The following SLC22A23 variants were observed in gnomAD, a reference collection of about 807,000 sequenced individuals.
SLC22A23 encodes the protein ion transporter protein.
In SLC22A23, 26 loss-of-function variants were observed where a neutral mutation model predicts 61.0. The observed-to-expected ratio is 0.43, with a 90% CI of 0.31 to 0.59. The LOEUF is 0.59. SLC22A23 is among the 20% of genes least tolerant of loss of function. SLC22A23 has a pLI of 0.11. For synonymous variants in SLC22A23, 430 were observed against 413.9 expected (o/e 1.04, Z -0.47); for missense variants, 796 against 934.7 (o/e 0.85, Z 1.94).
At chr6:3,448,626 T>C (rs1381353146) in intron 1 of SLC22A23, among the ~76,000 whole-genome samples, 2 of 152,164 alleles carry the variant, frequency 1.3e-5, no homozygotes, top group East Asian at 1.9e-4. Flanking sequence ...CCCGAGTAGC[T>C]GGGACTACAG....
chr6:3,403,485 G>A (rs959787766), intron 3 of SLC22A23, among the ~76,000 whole-genome samples: 21 of 152,174 alleles, frequency 1.4e-4, no homozygotes, highest in Non-Finnish European at 2.9e-4. Context: ...TGAGGGCAGG[G>A]TCTGGAACCC....
At chr6:3,363,905 C>T (rs9503559) in intron 3 of SLC22A23, among the ~76,000 whole-genome samples, 116,808 of 152,106 alleles carry the variant, frequency 0.77, 45,293 homozygotes, top group African/African-American at 0.86. Context: ...GACTGGCTGA[C>T]CCTCACAGGC....
At chr6:3,374,006 A>C (rs1361165527) in intron 3 of SLC22A23, among the ~76,000 whole-genome samples, 4 of 152,228 alleles carry the variant, frequency 2.6e-5, no homozygotes, top group African/African-American at 9.6e-5. Context: ...GAGCACAAAA[A>C]GGTTAAGTAT....
At chr6:3,352,010 C>G (rs1338067551) in intron 3 of SLC22A23, among the ~76,000 whole-genome samples, 1 of 152,192 alleles carries the variant, frequency 6.6e-6, no homozygotes, top group Non-Finnish European at 1.5e-5. Flanking sequence ...ACTGGTAAGG[C>G]TGCTCCGTTT....
At chr6:3,416,097 A>G (rs939146387) in intron 1 of SLC22A23, among the ~76,000 whole-genome samples, 2 of 152,238 alleles carry the variant, frequency 1.3e-5, no homozygotes, top group African/African-American at 4.8e-5. Context: ...AGAATGACGC[A>G]GGAAGTCTGG....
At chr6:3,320,294 G>C (rs1581685724) in intron 4 of SLC22A23, among the ~76,000 whole-genome samples, 1 of 152,104 alleles carries the variant, frequency 6.6e-6, no homozygotes, top group Non-Finnish European at 1.5e-5. Flanking sequence ...AGGGGTCCCT[G>C]TCTGTTCAGT....
At chr6:3,298,066 C>T in intron 5 of SLC22A23, 25 bp downstream of exon 5, 2 of 1,492,716 alleles carry the variant, frequency 1.3e-6, no homozygotes, top group East Asian at 2.6e-5. Context: ...CCTCTCTGAG[C>T]CCTGCCAGCC....
chr6:3,410,209 T>C lies in SLC22A23; in HGVS notation c.892A>G (p.Ile298Val), dbSNP rs752938651. ...TTACGTAAAGCATACAAGGTGAGAATGATTCCAGCCAGGCAAAATCCTTCA... is the reference window on the plus strand; with the variant it reads ...TTACGTAAAGCATACAAGGTGAGAACGATTCCAGCCAGGCAAAATCCTTCA... ...FFEGFCLAGI[I>V]LTLYALRIEL... is the part of the protein sequence containing the mutation. Residue 298 changes from isoleucine to valine, a missense_variant, in exon 3 of 10, where the codon ATT (isoleucine) becomes GTT (valine). Coordinates refer to ENST00000406686, the MANE Select transcript of SLC22A23 (RefSeq NM_015482.2). The surrounding 1 kb of genome is among the most constrained non-coding windows in gnomAD (Gnocchi z 5.0). 1.9e-6 allele frequency: 3 copies of C among 1,613,408 alleles called. No individual in the cohort carries two copies. The highest frequency in any genetic ancestry group is 2.7e-5 in the African/African-American group (2 of 74,890).
chr6:3,280,838 C>A (rs1249475092), intron 9 of SLC22A23, among the ~76,000 whole-genome samples: 1 of 152,172 alleles, frequency 6.6e-6, no homozygotes, highest in Non-Finnish European at 1.5e-5. Context: ...GACTCTGATA[C>A]TCCCTTAACC....
At chr6:3,370,249 A>T (rs1450478301) in intron 3 of SLC22A23, among the ~76,000 whole-genome samples, 2 of 152,236 alleles carry the variant, frequency 1.3e-5, no homozygotes, top group Non-Finnish European at 2.9e-5. Flanking sequence ...TTCTGTGGGA[A>T]ATGACTGAAA....
intron 2 of SLC22A23, 74 bp downstream of exon 2, chr6:3,415,674 CACTG>C: frequency 9.9e-7 from 1 of 1,014,118 alleles, no homozygotes; most frequent in Non-Finnish European, 1.5e-6. Context: ...GGTAAGCTAA[CACTG>C]ACTATTTTTC....
intron 7 of SLC22A23, among the ~76,000 whole-genome samples, 187 bp from the exon 8 acceptor site, chr6:3,285,298 G>A (rs897896992): frequency 6.6e-6 from 1 of 152,248 alleles, no homozygotes; most frequent in African/African-American, 2.4e-5. Flanking sequence ...GCTAAACAAA[G>A]ATCTTTTTGT....
At chr6:3,401,511 C>T (rs959024802) in intron 3 of SLC22A23, among the ~76,000 whole-genome samples, 3 of 152,294 alleles carry the variant, frequency 2.0e-5, no homozygotes, top group Admixed American at 1.3e-4. Flanking sequence ...AACCTATGCT[C>T]GAAATAATTC....
chr6:3,450,925 C>T (rs1772130203), intron 1 of SLC22A23, among the ~76,000 whole-genome samples: 3 of 152,200 alleles, frequency 2.0e-5, no homozygotes, highest in Non-Finnish European at 4.4e-5. Context: ...ATAACTTCTA[C>T]TCTTTAGCCC....
At chr6:3,444,118 G>A (rs570886495) in intron 1 of SLC22A23, among the ~76,000 whole-genome samples, 5 of 152,284 alleles carry the variant, frequency 3.3e-5, no homozygotes, top group South Asian at 2.1e-4. Flanking sequence ...ATGGGTGGGC[G>A]CGTGCTGGCG....
Position 3,308,711 on chromosome 6 carries a change from G to A in SLC22A23, c.1083-10493C>T, listed in dbSNP as rs544635551. On this transcript the variant is annotated intron_variant, in intron 4 of 9. Transcript: ENST00000406686. This position sits in a 1 kb window ranked among gnomAD's most constrained non-coding sequence, Gnocchi z 5.1. ...TGTAATCCCAGTACTTTGGGAGGTC[G>A]AGGTGGGTGGATCATGAGGTAAGGA... 2.2e-4 allele frequency among the ~76,000 whole-genome samples: 33 copies of A among 152,312 alleles called. No individual in the cohort carries two copies. The East Asian group carries it at 6.0e-3, about 28-fold the overall frequency.
At chr6:3,368,611 A>G (rs1248543443) in intron 3 of SLC22A23, among the ~76,000 whole-genome samples, 1 of 152,226 alleles carries the variant, frequency 6.6e-6, no homozygotes, top group African/African-American at 2.4e-5. Flanking sequence ...AGGATGGGCA[A>G]TTTAATTTGT....
At chr6:3,428,510 G>A (rs989295439) in intron 1 of SLC22A23, among the ~76,000 whole-genome samples, 31 of 152,150 alleles carry the variant, frequency 2.0e-4, no homozygotes, top group Middle Eastern at 3.2e-3. Flanking sequence ...CAGGGCACCT[G>A]AACTCCATCC....
intron 1 of SLC22A23, among the ~76,000 whole-genome samples, chr6:3,426,174 A>C (rs1770474730): frequency 1.3e-5 from 2 of 152,230 alleles, no homozygotes; most frequent in South Asian, 2.1e-4. Context: ...TGAAATGTTG[A>C]AAAAAGTTAT....
Sources: allele counts gnomAD v4.1 joint callset (sites outside exome capture counted in the v4.1 genomes callset), GRCh38; gene constraint gnomAD v4.1.1; non-coding constraint Gnocchi (gnomAD v3.1); transcripts MANE v1.5; gene names NCBI Gene and HGNC (gene_info 2026-07-23, HGNC 2026-07-21).